ALDH1L1: variants seen among roughly 807,000 people sequenced by gnomAD.
ALDH1L1 encodes aldehyde dehydrogenase 1 family member L1, also known as cytosolic 10-formyltetrahydrofolate dehydrogenase.
In ALDH1L1, 68 loss-of-function variants were observed where a neutral mutation model predicts 101.1. That is an observed-to-expected ratio of 0.67 (90% confidence interval 0.55 to 0.82). ALDH1L1 has a LOEUF of 0.82. Among genes scored for constraint, ALDH1L1 ranks in the 40% least tolerant of loss-of-function variants. ALDH1L1 has a pLI of 0.00. For synonymous variants in ALDH1L1, 486 were observed against 470.8 expected, an observed-to-expected ratio of 1.03 and a Z score of -0.42; for missense variants, 1,087 against 1,172.7, an observed-to-expected ratio of 0.93 and a Z score of 1.07.
chr3:126,194,321 A>T (rs1389953157), intron 1 of ALDH1L1, among the ~76,000 whole-genome samples: 1 of 152,226 alleles, frequency 6.6e-6, no homozygotes, highest in African/African-American at 2.4e-5. Context: ...ATGTAATAAC[A>T]TATCAAATAA....
At chr3:126,142,344 T>C (rs1480107984) in intron 9 of ALDH1L1, among the ~76,000 whole-genome samples, 1 of 152,190 alleles carries the variant, frequency 6.6e-6, no homozygotes, top group Non-Finnish European at 1.5e-5. Context: ...ACTCTGTCCA[T>C]AAGGCCAGCG....
chr3:126,159,906 T>G lies in ALDH1L1; in HGVS notation c.127+947A>C, dbSNP rs141387444. Among the ~76,000 whole-genome samples the G allele has an allele frequency of 1.1e-3, 174 of 152,248 alleles. 1 individual carries two copies. In the Middle Eastern group the frequency reaches 0.014, roughly 12 times the overall value. ...CCCACTGAGGGAGACTGGCTTTCCT[T>G]AACAAACTACACCTCTGTGCCTGGC... On this transcript the variant is annotated intron_variant, in intron 2 of 22. Transcript: ENST00000393434.
At chr3:126,120,957 C>G (rs904520046) in intron 16 of ALDH1L1, among the ~76,000 whole-genome samples, 9 of 152,142 alleles carry the variant, frequency 5.9e-5, no homozygotes, top group African/African-American at 2.2e-4. Context: ...ATTCATAGGT[C>G]ACCATCCTAA....
rs767390342 is a variant in ALDH1L1, at chr3:126,105,793, C to T, written c.2586G>A (p.Thr862=). 15 of 1,614,222 alleles carry T rather than the reference C, an allele frequency of 9.3e-6. No individual in the cohort carries two copies. Among genetic ancestry groups the T allele is most frequent in the Non-Finnish European group, 1.2e-5 (14 of 1,180,042 alleles). The part of the protein sequence containing the change: ...KLQAGTVFVN[T]YNKTDVAAPF... ...GAGCGGCCACGTCGGTCTTGTTGTA[C>T]GTGTTGACAAACACAGTGCCTGCCT... The change falls in exon 22 of 23, where the codon ACG becomes ACA. Residue 862 remains threonine (T), a synonymous_variant. Coordinates refer to ENST00000393434, the MANE Select transcript of ALDH1L1 (RefSeq NM_012190.4).
chr3:126,129,665 A>G (rs569810236), intron 14 of ALDH1L1: 2 of 152,458 alleles, frequency 1.3e-5, no homozygotes, highest in Admixed American at 1.3e-4. Context: ...CTGGGGCCAA[A>G]TCAGGATGTA....
intron 15 of ALDH1L1, 150 bp downstream of exon 15, chr3:126,125,466 G>A: frequency 4.1e-6 from 2 of 490,100 alleles, no homozygotes; most frequent in Non-Finnish European, 6.7e-6. Context: ...CCCACTGAGA[G>A]TGGGGCCCAT....
intron 1 of ALDH1L1, among the ~76,000 whole-genome samples, chr3:126,165,858 T>TA (rs772985715): frequency 3.3e-5 from 5 of 152,234 alleles, no homozygotes; most frequent in Admixed American, 2.0e-4. Context: ...TGTTTATTTT[T>TA]ATTTTTTTGA....
intron 5 of ALDH1L1, 143 bp from the exon 6 acceptor site, chr3:126,154,786 T>TA: frequency 1.4e-6 from 1 of 694,764 alleles, no homozygotes; most frequent in Non-Finnish European, 2.5e-6. Flanking sequence ...GTCCCTGAGC[T>TA]GGTGCCCCTA....
chr3:126,170,444 GTTAC>G (rs2081251508), intron 1 of ALDH1L1, among the ~76,000 whole-genome samples: 1 of 85,878 alleles, frequency 1.2e-5, no homozygotes, highest in Admixed American at 1.1e-4. Flanking sequence ...AAAAAAAAAA[GTTAC>G]TTCTGTCTCA....
At chr3:126,167,797 T>C (rs182153364) in intron 1 of ALDH1L1, among the ~76,000 whole-genome samples, 285 of 152,246 alleles carry the variant, frequency 1.9e-3, no homozygotes, top group Non-Finnish European at 3.4e-3. Flanking sequence ...TAGTTACTTA[T>C]TTCTACCTAA....
upstream of ALDH1L1, among the ~76,000 whole-genome samples, chr3:126,184,356 GA>G (rs1375426172): frequency 1.3e-5 from 2 of 152,160 alleles, no homozygotes; most frequent in Admixed American, 1.3e-4. Flanking sequence ...TTCTCCTTGG[GA>G]ATTCCCTCAC....
intron 1 of ALDH1L1, among the ~76,000 whole-genome samples, chr3:126,168,554 A>C (rs1255237699): frequency 6.6e-6 from 1 of 152,150 alleles, no homozygotes; most frequent in East Asian, 1.9e-4. Context: ...ACAGAAAAAA[A>C]CTTAACGGTA....
chr3:126,112,716 C>G (rs1338786647), intron 19 of ALDH1L1, 66 bp downstream of exon 19: 4 of 1,475,340 alleles, frequency 2.7e-6, no homozygotes, highest in South Asian at 1.1e-5. Context: ...CCTCCTCCAA[C>G]CCCCTCCAGC....
At chr3:126,108,380 C>T (rs4646746) in intron 20 of ALDH1L1, among the ~76,000 whole-genome samples, 15,012 of 152,262 alleles carry the variant, frequency 0.099, 893 homozygotes, top group African/African-American at 0.17. Flanking sequence ...TGATGGCTCC[C>T]CACTGTTCCT....
chr3:126,124,587 A>C, intron 15 of ALDH1L1, 136 bp from the exon 16 acceptor site: 4 of 728,030 alleles, frequency 5.5e-6, no homozygotes, highest in Non-Finnish European at 6.9e-6. Context: ...CACCAGGAAG[A>C]CCCCAGGAAA....
At position 126,103,667 on chromosome 3, in the gene ALDH1L1, G is replaced by C; in HGVS notation, c.*124C>G. The stretch of plus-strand genomic sequence containing the variant: ...AGAGGGCGTCCAAGATGCAGACATG[G>C]TGTGCAGGCAGGAGGGCTTCCACTA... On this transcript the variant is annotated 3_prime_UTR_variant, in exon 23 of 23. Transcript: ENST00000393434. The C allele has an allele frequency of 1.0e-6, 1 of 985,186 alleles. No homozygotes were observed. Among genetic ancestry groups the C allele is most frequent in the Non-Finnish European group, 1.5e-6 (1 of 650,038 alleles). 61.0% of individuals were successfully genotyped at this position (985,186 alleles called of 1,614,324 possible).
upstream of ALDH1L1, among the ~76,000 whole-genome samples, chr3:126,184,120 A>C (rs1001330028): frequency 1.3e-5 from 2 of 152,212 alleles, no homozygotes; most frequent in Non-Finnish European, 2.9e-5. Context: ...CCTTTCATAG[A>C]CCAGAGAGAG....
intron 12 of ALDH1L1, among the ~76,000 whole-genome samples, chr3:126,132,958 T>C (rs2080345741): frequency 6.6e-6 from 1 of 152,226 alleles, no homozygotes; most frequent in Non-Finnish European, 1.5e-5. Flanking sequence ...GGAGAGCCCA[T>C]GCGTAAATCG....
intron 16 of ALDH1L1, among the ~76,000 whole-genome samples, chr3:126,118,780 C>T (rs993722071): frequency 2.6e-5 from 4 of 152,104 alleles, no homozygotes; most frequent in African/African-American, 4.8e-5. Context: ...CCAAAACACC[C>T]GCCCTCAGGT....
Sources: gnomAD v4.1 joint callset for allele counts (sites outside exome capture counted in the v4.1 genomes callset) on GRCh38, gnomAD v4.1.1 for gene constraint, MANE v1.5 for transcripts, NCBI Gene and HGNC (gene_info 2026-07-23, HGNC 2026-07-21) for gene names.